Variants in KDM2A observed in about 807,000 individuals in gnomAD.
KDM2A encodes the protein lysine-specific demethylase 2A.
A neutral mutation model predicts 137.3 loss-of-function variants in KDM2A; 3 were observed. That is an observed-to-expected ratio of 0.02 (90% CI 0.01 to 0.06). The LOEUF is 0.06. Among genes scored for constraint, KDM2A ranks in the 10% least tolerant of loss-of-function variants. KDM2A has a pLI of 1.00. For missense variants in KDM2A, 738 were observed against 1,510.6 expected, an observed-to-expected ratio of 0.49 and a Z score of 8.48; for synonymous variants, 512 against 541.5, an observed-to-expected ratio of 0.95 and a Z score of 0.76.
In KDM2A at chr11:67,143,643, A is replaced by T. The variant is rs567389450; in HGVS notation, c.42+22285A>T. Reference sequence around the variant, plus strand: ...TTTTTATTTATTTATTTATTTATTTATTTTTTTGAGATAGGGTCTCACTCC... The same window carrying T: ...TTTTTATTTATTTATTTATTTATTTTTTTTTTTGAGATAGGGTCTCACTCC... On this transcript the variant is annotated intron_variant, in intron 2 of 20. Transcript: ENST00000529006. 1.5e-3 allele frequency among the ~76,000 whole-genome samples: 222 copies of T among 150,946 alleles called. 1 individual carries two copies. The highest frequency in any genetic ancestry group is 6.8e-3 in the East Asian group (35 of 5,128).
At position 67,119,464 on chromosome 11, in the gene KDM2A, C is replaced by T. The variant is rs2077112066; in HGVS notation, c.-669C>T. 1 of 153,454 alleles carries T rather than the reference C, an allele frequency of 6.5e-6. No individual in the cohort carries two copies. Among genetic ancestry groups the T allele is most frequent in the Non-Finnish European group, 1.5e-5 (1 of 68,438 alleles). 9.5% of individuals were successfully genotyped at this position (153,454 alleles called of 1,614,324 possible). On this transcript the variant is annotated 5_prime_UTR_variant, in exon 1 of 21. Transcript: ENST00000529006. ...AGGGGCAACGCCAGGGGGCCCATCC[C>T]CCGGAATCCCTCTTCTGCGACTGGG...
intron 5 of KDM2A, among the ~76,000 whole-genome samples, chr11:67,198,865 A>C (rs989396049): frequency 1.3e-5 from 2 of 151,894 alleles, no homozygotes; most frequent in Non-Finnish European, 2.9e-5. Context: ...TGCAACCTCC[A>C]CCTCCTGGAT....
intron 2 of KDM2A, among the ~76,000 whole-genome samples, chr11:67,141,441 C>T (rs1456010876): frequency 4.0e-5 from 6 of 151,534 alleles, no homozygotes; most frequent in South Asian, 2.1e-4. Flanking sequence ...CCAAGGCGGG[C>T]GGATCATGAG....
chr11:67,236,249 G>C (rs1246314213), intron 12 of KDM2A, among the ~76,000 whole-genome samples: 5 of 152,128 alleles, frequency 3.3e-5, no homozygotes, highest in African/African-American at 1.2e-4. Context: ...TCCTGCCTCA[G>C]CCTCCTGAGT....
chr11:67,247,170 A>G (rs1474199394), intron 15 of KDM2A, among the ~76,000 whole-genome samples: 3 of 133,666 alleles, frequency 2.2e-5, no homozygotes, highest in Admixed American at 8.2e-5. Context: ...TCTCACTGCA[A>G]CCTTTGTCTC....
chr11:67,252,614 C>T, intron 17 of KDM2A, 80 bp from the exon 18 acceptor site: 1 of 1,484,942 alleles, frequency 6.7e-7, no homozygotes, highest in Non-Finnish European at 9.3e-7. Context: ...CTCTGCTTTT[C>T]CCAGAAGCCA....
At position 67,170,352 on chromosome 11, in the gene KDM2A, A is replaced by T. The variant is rs1228148511; in HGVS notation, c.43-9727A>T. ...TCAGAAATCTCTTACCCCAGGGAAG[A>T]TCCTTTGCTAATCCTTTATCCTACC... is the stretch of plus-strand genomic sequence containing the variant. On this transcript the variant is annotated intron_variant, in intron 2 of 20. Coordinates refer to ENST00000529006, the MANE Select transcript of KDM2A (RefSeq NM_012308.3). Among the ~76,000 whole-genome samples the T allele has an allele frequency of 6.1e-5, 9 of 147,062 alleles. 1 individual carries two copies. Among genetic ancestry groups the T allele is most frequent in the Admixed American group, 6.1e-4 (9 of 14,812 alleles).
At chr11:67,215,195 G>T (rs1366249569) in intron 6 of KDM2A, 145 bp from the exon 7 acceptor site, 6 of 517,274 alleles carry the variant, frequency 1.2e-5, no homozygotes, top group South Asian at 5.5e-5. Flanking sequence ...CCTAAGATTC[G>T]CCAACAGATT....
At chr11:67,225,257 G>A (rs1436765998) in intron 10 of KDM2A, among the ~76,000 whole-genome samples, 1 of 152,050 alleles carries the variant, frequency 6.6e-6, no homozygotes, top group Non-Finnish European at 1.5e-5. Context: ...TTTTAGTAGT[G>A]GTATTTCTAC....
chr11:67,122,456 A>T (rs567139433), intron 2 of KDM2A, among the ~76,000 whole-genome samples: 2 of 151,820 alleles, frequency 1.3e-5, no homozygotes, highest in African/African-American at 2.4e-5. Flanking sequence ...CCTTGCAAGT[A>T]GCTGGGACTG....
intron 2 of KDM2A, among the ~76,000 whole-genome samples, chr11:67,125,801 G>A (rs914999904): frequency 1.9e-4 from 28 of 151,248 alleles, no homozygotes; most frequent in Middle Eastern, 3.4e-3. Context: ...AAAATTAGCC[G>A]GGCGTGGTGT....
chr11:67,230,556 G>A (rs180696037), intron 11 of KDM2A, among the ~76,000 whole-genome samples: 1 of 151,956 alleles, frequency 6.6e-6, no homozygotes, highest in East Asian at 1.9e-4. Context: ...AGCCCAGGAG[G>A]TTGAGGCTGC....
In KDM2A at chr11:67,255,002, A is replaced by T; in HGVS notation, c.3436A>T (p.Ile1146Phe). 6.2e-7 allele frequency: 1 copy of T among 1,613,542 alleles called. No individual in the cohort carries two copies. The highest frequency in any genetic ancestry group is 8.5e-7 in the Non-Finnish European group (1 of 1,179,704). Reference sequence around the variant, plus strand: ...CGAGCACTTCATCTCAGACTTGTCCATCAACAGCCTCTACTGCCTGTCTGA... The same window carrying T: ...CGAGCACTTCATCTCAGACTTGTCCTTCAACAGCCTCTACTGCCTGTCTGA... ...ACEHFISDLS[I>F]NSLYCLSDEK... The change falls in exon 21 of 21, where the codon ATC (isoleucine) becomes TTC (phenylalanine). Residue 1146 changes from isoleucine to phenylalanine, a missense_variant. This residue lies in a region of KDM2A where 166 missense variants were observed against 324.0 expected (regional missense o/e 0.51). Transcript: ENST00000529006.
chr11:67,236,134 G>T (rs769674455), intron 12 of KDM2A, among the ~76,000 whole-genome samples: 17 of 151,792 alleles, frequency 1.1e-4, no homozygotes, highest in Middle Eastern at 3.4e-3. Flanking sequence ...AGAATTTGTG[G>T]TTTTTTTGTT....
chr11:67,147,520 C>T (rs1014865917), intron 2 of KDM2A, among the ~76,000 whole-genome samples: 46 of 147,816 alleles, frequency 3.1e-4, no homozygotes, highest in South Asian at 4.3e-4. Flanking sequence ...CCAGCCTGGG[C>T]GACAGAGCGA....
At chr11:67,130,244 C>T (rs970795223) in intron 2 of KDM2A, among the ~76,000 whole-genome samples, 6 of 151,936 alleles carry the variant, frequency 3.9e-5, no homozygotes, top group East Asian at 1.9e-4. Flanking sequence ...CGTGTTTACT[C>T]GAGTCTGAGT....
At position 67,224,998 on chromosome 11, in the gene KDM2A, C is replaced by T. The variant is rs553852977; in HGVS notation, c.958-3039C>T. 7.9e-4 allele frequency among the ~76,000 whole-genome samples: 120 copies of T among 151,812 alleles called. 2 individuals are homozygous for T. The highest frequency in any genetic ancestry group is 2.1e-3 in the African/African-American group (87 of 41,392). On this transcript the variant is annotated intron_variant, in intron 10 of 20. Coordinates refer to ENST00000529006, the MANE Select transcript of KDM2A (RefSeq NM_012308.3). ...CTGGGATTACAGGTATGCACCACCACGCTAATTTTTGTATTTCTAGTAGAG... is the reference window on the plus strand; with the variant it reads ...CTGGGATTACAGGTATGCACCACCATGCTAATTTTTGTATTTCTAGTAGAG...
At chr11:67,232,265 C>A (rs1050550324) in intron 12 of KDM2A, among the ~76,000 whole-genome samples, 1 of 152,150 alleles carries the variant, frequency 6.6e-6, no homozygotes, top group African/African-American at 2.4e-5. Context: ...AGAAATGTTA[C>A]ATTAAACTTA....
intron 6 of KDM2A, among the ~76,000 whole-genome samples, chr11:67,211,530 C>T (rs1857982305): frequency 7.5e-6 from 1 of 132,498 alleles, no homozygotes; most frequent in African/African-American, 2.7e-5. Flanking sequence ...GGGAGAATCG[C>T]TTGAAACCAG....
Sources: allele counts gnomAD v4.1 joint callset (sites outside exome capture counted in the v4.1 genomes callset), GRCh38; gene constraint gnomAD v4.1.1; regional missense constraint gnomAD v4.1.1; transcripts MANE v1.5; gene names NCBI Gene and HGNC (gene_info 2026-07-23, HGNC 2026-07-21).